Variants in KCNQ3 observed in about 807,000 individuals in gnomAD.
KCNQ3 encodes potassium voltage-gated channel subfamily KQT member 3.
A neutral mutation model predicts 92.5 loss-of-function variants in KCNQ3; 30 were observed. The observed-to-expected ratio is 0.32, with a 90% CI of 0.24 to 0.44. The LOEUF (loss-of-function observed/expected upper bound fraction) is 0.44, where lower values mean the gene tolerates loss of function less well. KCNQ3 is among the 20% of genes least tolerant of loss of function. The pLI is 1.00. For missense variants in KCNQ3, 913 were observed against 1,140.3 expected (o/e 0.80, Z 2.87); for synonymous variants, 450 against 468.8 (o/e 0.96, Z 0.52).
chr8:132,474,058 C>A (rs1457052108), intron 1 of KCNQ3, among the ~76,000 whole-genome samples: 1 of 152,158 alleles, frequency 6.6e-6, no homozygotes. Context: ...GCAAGATGGT[C>A]AGGGCAGCAG....
At chr8:132,248,334 G>GTATATATA (rs5895135) in intron 1 of KCNQ3, among the ~76,000 whole-genome samples, 284 of 144,182 alleles carry the variant, frequency 2.0e-3, no homozygotes, top group African/African-American at 6.8e-3. Context: ...TAGTCTATAA[G>GTATATATA]TATATATATA....
chr8:132,359,363 C>T (rs1819101726), intron 1 of KCNQ3, among the ~76,000 whole-genome samples: 1 of 152,178 alleles, frequency 6.6e-6, no homozygotes, highest in South Asian at 2.1e-4. Context: ...TGGCATGAGG[C>T]TCCTTGCTCC....
intron 1 of KCNQ3, among the ~76,000 whole-genome samples, chr8:132,470,828 C>G (rs1822283861): frequency 6.6e-6 from 1 of 152,090 alleles, no homozygotes; most frequent in South Asian, 2.1e-4. Flanking sequence ...TTTGTTTGTC[C>G]ATGACATGAA....
chr8:132,206,197 T>C (rs771258020), intron 1 of KCNQ3, among the ~76,000 whole-genome samples: 14 of 152,158 alleles, frequency 9.2e-5, no homozygotes, highest in Non-Finnish European at 2.1e-4. Context: ...CTGCTCTGGG[T>C]CATCCCTGTC....
At chr8:132,392,790 CAAAAAAAA>C (rs56183412) in intron 1 of KCNQ3, among the ~76,000 whole-genome samples, 30 of 72,638 alleles carry the variant, frequency 4.1e-4, no homozygotes, top group East Asian at 3.3e-3. Context: ...GAACCTGTCT[CAAAAAAAA>C]AAAAAAAAAA....
At chr8:132,346,223 A>C (rs16904665) in intron 1 of KCNQ3, among the ~76,000 whole-genome samples, 49,647 of 152,066 alleles carry the variant, frequency 0.33, 9,920 homozygotes, top group African/African-American at 0.57. Flanking sequence ...ATATGAGCTA[A>C]TCTACAAGTG....
intron 1 of KCNQ3, among the ~76,000 whole-genome samples, chr8:132,439,051 A>C (rs1821463624): frequency 1.3e-5 from 2 of 150,854 alleles, no homozygotes; most frequent in Admixed American, 1.3e-4. Context: ...GGATGACCCA[A>C]ATACCCATCC....
At chr8:132,163,039 A>G (rs937666320) in intron 9 of KCNQ3, among the ~76,000 whole-genome samples, 1 of 152,218 alleles carries the variant, frequency 6.6e-6, no homozygotes, top group African/African-American at 2.4e-5. Flanking sequence ...CTGTGAGCCC[A>G]AGAAGCAGAT....
chr8:132,383,468 G>C (rs1819807648), intron 1 of KCNQ3, among the ~76,000 whole-genome samples: 1 of 152,190 alleles, frequency 6.6e-6, no homozygotes, highest in Non-Finnish European at 1.5e-5. Flanking sequence ...GGCTGCAACA[G>C]GGGCCATGAA....
At chr8:132,134,768 G>A (rs566116099) in intron 12 of KCNQ3, among the ~76,000 whole-genome samples, 1 of 151,570 alleles carries the variant, frequency 6.6e-6, no homozygotes, top group South Asian at 2.1e-4. Context: ...TTTTTCATAG[G>A]AAATGTCATA....
Position 132,265,975 on chromosome 8 carries a change from T to A in KCNQ3, c.387-79794A>T, listed in dbSNP as rs79487262. Among the ~76,000 whole-genome samples the A allele has an allele frequency of 7.5e-3, 1,140 of 152,250 alleles. 12 individuals carry two copies. The highest frequency in any genetic ancestry group is 0.025 in the African/African-American group (1,024 of 41,542). ...GGCAGGCAAGATAGAGCAGAGAGAG[T>A]TAGGCAGCCTCCTTCAGCTATCACA... is the stretch of plus-strand genomic sequence containing the variant. On this transcript the variant is annotated intron_variant, in intron 1 of 14. Coordinates refer to ENST00000388996, the MANE Select transcript of KCNQ3 (RefSeq NM_004519.4).
chr8:132,368,346 T>C (rs143054413), intron 1 of KCNQ3, among the ~76,000 whole-genome samples: 54 of 152,276 alleles, frequency 3.5e-4, no homozygotes, highest in African/African-American at 1.2e-3. Context: ...TTCACAACAA[T>C]CTTATTTGAT....
chr8:132,352,020 A>G (rs1430348107), intron 1 of KCNQ3, among the ~76,000 whole-genome samples: 1 of 152,198 alleles, frequency 6.6e-6, no homozygotes, highest in East Asian at 1.9e-4. Context: ...TGTGCAGAAC[A>G]TACCATTTGC....
At chr8:132,137,055 G>T (rs1825126150) in intron 12 of KCNQ3, among the ~76,000 whole-genome samples, 1 of 149,126 alleles carries the variant, frequency 6.7e-6, no homozygotes, top group Admixed American at 6.7e-5. Context: ...ATTTTTAGTA[G>T]AGAGGGGGTT....
At chr8:132,257,500 C>T (rs189891492) in intron 1 of KCNQ3, among the ~76,000 whole-genome samples, 1 of 152,144 alleles carries the variant, frequency 6.6e-6, no homozygotes, top group Non-Finnish European at 1.5e-5. Flanking sequence ...AATCCCAGTA[C>T]TTTGGGAGGC....
intron 1 of KCNQ3, among the ~76,000 whole-genome samples, chr8:132,368,883 T>C (rs1405697354): frequency 1.3e-5 from 2 of 150,034 alleles, no homozygotes; most frequent in Non-Finnish European, 2.9e-5. Flanking sequence ...CAGTCACATT[T>C]TTTCAGATTT....
intron 1 of KCNQ3, among the ~76,000 whole-genome samples, chr8:132,220,998 G>A (rs1323906881): frequency 6.6e-6 from 1 of 152,016 alleles, no homozygotes; most frequent in Non-Finnish European, 1.5e-5. Flanking sequence ...CCCGGGGTGT[G>A]ATGCTCCCCA....
At chr8:132,391,577 A>G (rs1410156781) in intron 1 of KCNQ3, among the ~76,000 whole-genome samples, 1 of 152,132 alleles carries the variant, frequency 6.6e-6, no homozygotes, top group East Asian at 1.9e-4. Flanking sequence ...ACATCACCAA[A>G]CTACTCTGCA....
chr8:132,366,024 C>T (rs1003462506), intron 1 of KCNQ3, among the ~76,000 whole-genome samples: 1 of 152,210 alleles, frequency 6.6e-6, no homozygotes, highest in South Asian at 2.1e-4. Flanking sequence ...GAGCCAGACC[C>T]TATAAAGTAC....
Sources: allele counts gnomAD v4.1 joint callset (sites outside exome capture counted in the v4.1 genomes callset), GRCh38; gene constraint gnomAD v4.1.1; transcripts MANE v1.5; gene names NCBI Gene and HGNC (gene_info 2026-07-23, HGNC 2026-07-21).